DYM: variants seen among roughly 807,000 people sequenced by gnomAD.
The protein encoded by DYM is dyggve-Melchior-Clausen syndrome protein.
A neutral mutation model predicts 93.1 loss-of-function variants in DYM; 78 were observed. The observed-to-expected ratio is 0.84, with a 90% CI of 0.70 to 1.01. DYM has a LOEUF of 1.01. Ranked by LOEUF, DYM falls within the 50% of genes least tolerant of loss-of-function variation. The pLI, the probability that DYM is intolerant of heterozygous loss-of-function variation, is 0.00. For synonymous variants in DYM, 321 were observed against 319.7 expected (o/e 1.00, Z -0.04); for missense variants, 789 against 845.0 (o/e 0.93, Z 0.82).
intron 1 of DYM, among the ~76,000 whole-genome samples, chr18:49,442,730 A>G (rs145803137): frequency 6.6e-6 from 1 of 152,290 alleles, no homozygotes; most frequent in African/African-American, 2.4e-5. Flanking sequence ...ACTGTTTCAC[A>G]TATACTAACT....
chr18:49,215,692 CA>C (rs2093000114), intron 13 of DYM, among the ~76,000 whole-genome samples: 1 of 152,180 alleles, frequency 6.6e-6, no homozygotes, highest in South Asian at 2.1e-4. Flanking sequence ...AAAAGAAAAA[CA>C]AATTCCCTCA....
chr18:49,237,372 C>T (rs1462267343), intron 13 of DYM, among the ~76,000 whole-genome samples: 1 of 152,056 alleles, frequency 6.6e-6, no homozygotes, highest in Non-Finnish European at 1.5e-5. Flanking sequence ...ATATATCTTT[C>T]AACATAGATT....
Position 49,037,281 on chromosome 18 carries a change from T to G in DYM, c.*6774A>C, listed in dbSNP as rs962241718. 6.6e-6 allele frequency among the ~76,000 whole-genome samples: 1 copy of G among 152,236 alleles called. No individual in the cohort carries two copies. Among genetic ancestry groups the G allele is most frequent in the Non-Finnish European group, 1.5e-5 (1 of 68,044 alleles). On this transcript the variant is annotated 3_prime_UTR_variant, in exon 18 of 18. Coordinates refer to ENST00000675505, the MANE Select transcript of DYM (RefSeq NM_001353214.3). ...CTATATCAGTAATTTGGCTTATTTTTGGGTTTCATGTGCTGTTTTTAAAAT... is the reference window on the plus strand; with the variant it reads ...CTATATCAGTAATTTGGCTTATTTTGGGGTTTCATGTGCTGTTTTTAAAAT...
chr18:49,236,220 C>A (rs2093856518), intron 13 of DYM, among the ~76,000 whole-genome samples: 1 of 152,140 alleles, frequency 6.6e-6, no homozygotes, highest in Non-Finnish European at 1.5e-5. Flanking sequence ...GTGGCTCACA[C>A]CTGTAATCCC....
chr18:49,055,345 A>G (rs942945326), intron 17 of DYM, among the ~76,000 whole-genome samples: 2 of 151,950 alleles, frequency 1.3e-5, no homozygotes, highest in African/African-American at 4.8e-5. Context: ...GAGGACAGAG[A>G]CTCGTGATCT....
At chr18:49,282,648 T>A (rs774114235) in intron 9 of DYM, among the ~76,000 whole-genome samples, 1 of 152,168 alleles carries the variant, frequency 6.6e-6, no homozygotes, top group African/African-American at 2.4e-5. Flanking sequence ...TAAAAAGAAC[T>A]AAACAAAGTC....
chr18:49,375,292 T>C (rs1001848478), intron 5 of DYM, among the ~76,000 whole-genome samples: 4 of 151,286 alleles, frequency 2.6e-5, no homozygotes, highest in African/African-American at 7.3e-5. Flanking sequence ...TATACACATA[T>C]ATATATGTAT....
chr18:49,208,198 A>T (rs1445874166), intron 14 of DYM, among the ~76,000 whole-genome samples: 4 of 151,456 alleles, frequency 2.6e-5, no homozygotes, highest in Admixed American at 6.6e-5. Flanking sequence ...AAAAAAAAAA[A>T]AAAAAATTAA....
intron 17 of DYM, among the ~76,000 whole-genome samples, chr18:49,054,107 G>C (rs2075265081): frequency 6.6e-6 from 1 of 152,190 alleles, no homozygotes; most frequent in Non-Finnish European, 1.5e-5. Flanking sequence ...GCTCTTCCAA[G>C]TGTAATGGAG....
intron 2 of DYM, among the ~76,000 whole-genome samples, chr18:49,417,209 G>T (rs907474252): frequency 6.6e-6 from 1 of 151,722 alleles, no homozygotes; most frequent in African/African-American, 2.4e-5. Context: ...GAAAGCATTG[G>T]CCTGACCATA....
rs531596997 is a variant in DYM at position 49,457,139 on chromosome 18, G to A, written c.-54+3259C>T. 5.3e-5 allele frequency among the ~76,000 whole-genome samples: 8 copies of A among 152,306 alleles called. No homozygotes were observed. In the South Asian group the frequency reaches 1.4e-3, roughly 28 times the overall value. On this transcript the variant is annotated intron_variant, in intron 1 of 17. Coordinates refer to ENST00000675505, the MANE Select transcript of DYM (RefSeq NM_001353214.3). ...TGAGTCACAGAAGAACCTGAGAAGAGGCTGCTTCAAGTCCAAATCTCACAG... is the reference window on the plus strand; with the variant it reads ...TGAGTCACAGAAGAACCTGAGAAGAAGCTGCTTCAAGTCCAAATCTCACAG...
intron 13 of DYM, among the ~76,000 whole-genome samples, chr18:49,248,402 T>C (rs954259941): frequency 6.6e-6 from 1 of 152,136 alleles, no homozygotes; most frequent in Admixed American, 6.5e-5. Flanking sequence ...ATAGAGAAAA[T>C]AGAGATGCAA....
chr18:49,105,192 C>A (rs184393279), intron 16 of DYM, among the ~76,000 whole-genome samples: 1 of 152,148 alleles, frequency 6.6e-6, no homozygotes, highest in Non-Finnish European at 1.5e-5. Context: ...AGTTTATTTG[C>A]GTAGAGGTGC....
At chr18:49,105,263 T>C in intron 16 of DYM, among the ~76,000 whole-genome samples, 1 of 152,212 alleles carries the variant, frequency 6.6e-6, no homozygotes, top group Non-Finnish European at 1.5e-5. Context: ...ATCTCCCTTA[T>C]CATTTTTTAT....
At chr18:49,212,346 A>G (rs2092822236) in intron 13 of DYM, among the ~76,000 whole-genome samples, 1 of 152,208 alleles carries the variant, frequency 6.6e-6, no homozygotes, top group Non-Finnish European at 1.5e-5. Context: ...TACACCATGT[A>G]GTACTTAGCA....
intron 17 of DYM, among the ~76,000 whole-genome samples, 200 bp from the exon 18 acceptor site, chr18:49,044,404 A>AT (rs2071200186): frequency 1.3e-5 from 2 of 152,252 alleles, no homozygotes; most frequent in Admixed American, 1.3e-4. Context: ...CGATGGAGAG[A>AT]GCAAGTAACA....
chr18:49,317,582 TCTCTCTCTCTCTCTCCCCCCTCCC>T (rs1568235718), intron 8 of DYM, among the ~76,000 whole-genome samples: 1 of 12,214 alleles, frequency 8.2e-5, no homozygotes, highest in Non-Finnish European at 1.4e-4. Context: ...TCTCTCTCTC[TCTCTCTCTCTCTCTCCCCCCTCCC>T]CCCTCCCTCC....
chr18:49,099,384 T>A (rs978810235), intron 16 of DYM, among the ~76,000 whole-genome samples: 5 of 152,132 alleles, frequency 3.3e-5, no homozygotes, highest in African/African-American at 1.2e-4. Flanking sequence ...CTATTATACA[T>A]CAGGCTCTCC....
At chr18:49,105,751 G>C (rs1009223755) in intron 16 of DYM, among the ~76,000 whole-genome samples, 3 of 152,318 alleles carry the variant, frequency 2.0e-5, no homozygotes, top group Non-Finnish European at 2.9e-5. Flanking sequence ...GTTCTAGTTT[G>C]ACTGCACTGT....
Sources: allele counts gnomAD v4.1 joint callset (sites outside exome capture counted in the v4.1 genomes callset), GRCh38; gene constraint gnomAD v4.1.1; transcripts MANE v1.5; gene names NCBI Gene and HGNC (gene_info 2026-07-23, HGNC 2026-07-21).